The following SLC28A1 variants were observed in gnomAD, a reference collection of about 807,000 sequenced individuals.
The protein encoded by SLC28A1 is solute carrier family 28 member 1, also known as sodium/nucleoside cotransporter 1.
SLC28A1 carries 64 observed loss-of-function variants against 74.8 expected under a neutral mutation model. The ratio of observed to expected loss-of-function variants is 0.86; its 90% confidence interval spans 0.70 to 1.05. The LOEUF (loss-of-function observed/expected upper bound fraction) is 1.05, where lower values mean the gene tolerates loss of function less well. SLC28A1 is among the 50% of genes least tolerant of loss of function. The probability of loss-of-function intolerance (pLI) is 0.00; values close to 1 mark genes in which losing one functional copy is unlikely to be tolerated. For missense variants in SLC28A1, 828 were observed against 822.8 expected (o/e 1.01, Z -0.08); for synonymous variants, 359 against 335.0 (o/e 1.07, Z -0.78).
the SLC28A1 span, among the ~76,000 whole-genome samples, chr15:84,960,311 A>G: frequency 7.5e-6 from 1 of 132,456 alleles, no homozygotes; most frequent in Non-Finnish European, 1.5e-5. Flanking sequence ...GCTGGAGTAC[A>G]GTGGCGCAAT....
chr15:84,900,020 G>T (rs1966483338), intron 6 of SLC28A1, among the ~76,000 whole-genome samples: 1 of 150,204 alleles, frequency 6.7e-6, no homozygotes, highest in African/African-American at 2.4e-5. Context: ...AGGCAGGCAG[G>T]CAAGCAAGCC....
intron 12 of SLC28A1, among the ~76,000 whole-genome samples, chr15:84,932,315 G>C (rs190175153): frequency 1.3e-5 from 2 of 152,280 alleles, no homozygotes; most frequent in East Asian, 3.9e-4. Context: ...GGGGAAACGT[G>C]TCATATTTCT....
chr15:84,937,053 TA>T lies in SLC28A1; in HGVS notation c.1581+1548del, dbSNP rs33988815. 9.9e-4 allele frequency among the ~76,000 whole-genome samples: 146 copies of T among 147,528 alleles called. 1 individual carries two copies. The highest frequency in any genetic ancestry group is 7.0e-3 in the South Asian group (33 of 4,716). On this transcript the variant is annotated intron_variant, in intron 15 of 18. Coordinates refer to ENST00000394573, the MANE Select transcript of SLC28A1 (RefSeq NM_004213.5). Reference sequence around the variant, plus strand: ...GGGCAACAGAGCAAGACCCTGTCTTTAAAAAAAAAAAAAGGGAAAGCAAGAG... The same window carrying T: ...GGGCAACAGAGCAAGACCCTGTCTTTAAAAAAAAAAAAGGGAAAGCAAGAG...
intron 11 of SLC28A1, among the ~76,000 whole-genome samples, chr15:84,921,454 T>G (rs1969824863): frequency 6.6e-6 from 1 of 151,656 alleles, no homozygotes; most frequent in Non-Finnish European, 1.5e-5. Context: ...TGGTCAGAGT[T>G]TTTTCCACTG....
chr15:84,925,482 C>T (rs1329859411), intron 12 of SLC28A1, among the ~76,000 whole-genome samples: 1 of 152,046 alleles, frequency 6.6e-6, no homozygotes, highest in Non-Finnish European at 1.5e-5. Context: ...TGCTTGTAAT[C>T]CTAGCTATTT....
At position 84,935,330 on chromosome 15, in the gene SLC28A1, T is replaced by C. The variant is rs759966468; in HGVS notation, c.1393T>C (p.Ser465Pro). 6.2e-7 allele frequency: 1 copy of C among 1,614,148 alleles called. No homozygotes were observed. Among genetic ancestry groups the C allele is most frequent in the East Asian group, 2.2e-5 (1 of 44,888 alleles). Residue 465 changes from serine (S) to proline (P), a missense_variant, in exon 15 of 19, where the codon TCC (serine) becomes CCC (proline). Physicochemically the swap from Ser to Pro is moderately conservative, Grantham distance 74. This residue lies in a region of SLC28A1 where 767 missense variants were observed against 753.5 expected (regional missense o/e 1.02). Transcript: ENST00000394573. ...ACCGTTGTGCCCTCAGCTCATCTGC[T>C]CCTACATCCTGCGGCCTGTAGCCTT... ...IQGLSFQLIC[S>P]YILRPVAFLM... is the part of the protein sequence containing the mutation.
At chr15:84,901,364 A>G (rs1013557916) in intron 6 of SLC28A1, among the ~76,000 whole-genome samples, 6 of 151,954 alleles carry the variant, frequency 3.9e-5, no homozygotes, top group African/African-American at 1.5e-4. Flanking sequence ...AAAATTAGCC[A>G]GATATGGTGA....
At chr15:84,899,824 C>T (rs1361124800) in intron 6 of SLC28A1, among the ~76,000 whole-genome samples, 1 of 151,824 alleles carries the variant, frequency 6.6e-6, no homozygotes, top group Non-Finnish European at 1.5e-5. Flanking sequence ...GCTTGGGAGA[C>T]ATAGGCTGCA....
In SLC28A1 at chr15:84,893,576, G is replaced by C. The variant is rs552446728; in HGVS notation, c.278-1364G>C. Among the ~76,000 whole-genome samples, 15 of 152,198 alleles carry C rather than the reference G, an allele frequency of 9.9e-5. No individual in the cohort carries two copies. In the East Asian group the frequency reaches 2.7e-3, roughly 27 times the overall value. ...CCCTTCCTCTGGGGGTCACCGGGGG[G>C]GCTTATCTATCATTACTCCTCAAGT... On this transcript the variant is annotated intron_variant, in intron 5 of 18. Transcript: ENST00000394573.
chr15:84,943,417 C>G, intron 15 of SLC28A1, 28 bp from the exon 16 acceptor site: 2 of 1,561,352 alleles, frequency 1.3e-6, no homozygotes, highest in Non-Finnish European at 1.8e-6. Flanking sequence ...GAGGGGAGCC[C>G]CTCCTCATGC....
intron 12 of SLC28A1, among the ~76,000 whole-genome samples, chr15:84,931,809 C>T (rs1429385262): frequency 6.6e-6 from 1 of 151,766 alleles, no homozygotes; most frequent in Non-Finnish European, 1.5e-5. Flanking sequence ...CGAGACTAGC[C>T]TGGCCAACAC....
intron 5 of SLC28A1, 54 bp from the exon 6 acceptor site, chr15:84,894,886 G>A (rs61602610): frequency 0.16 from 245,895 of 1,566,258 alleles, 20,541 homozygotes; most frequent in Non-Finnish European, 0.17. Context: ...GGGCTGCAGG[G>A]TTCTGAAGAG....
At chr15:84,947,762 A>G (rs974991073), downstream of SLC28A1, among the ~76,000 whole-genome samples, 2 of 151,962 alleles carry the variant, frequency 1.3e-5, no homozygotes, top group Non-Finnish European at 2.9e-5. Flanking sequence ...TACTCTCATG[A>G]CCTTATCACC....
At chr15:84,957,211 C>G in the SLC28A1 span, among the ~76,000 whole-genome samples, 2 of 152,062 alleles carry the variant, frequency 1.3e-5, no homozygotes, top group Non-Finnish European at 2.9e-5. Flanking sequence ...TGTCATCACC[C>G]GAGAAGTCAT....
chr15:84,936,238 C>T (rs184942898), intron 15 of SLC28A1, among the ~76,000 whole-genome samples: 43 of 132,778 alleles, frequency 3.2e-4, no homozygotes, highest in Admixed American at 1.1e-3. Flanking sequence ...CCACTGCGCC[C>T]GGCTGTTTTG....
At chr15:84,896,488 T>C (rs1039287999) in intron 6 of SLC28A1, among the ~76,000 whole-genome samples, 4 of 152,226 alleles carry the variant, frequency 2.6e-5, no homozygotes, top group African/African-American at 9.6e-5. Context: ...ACACTGCTGG[T>C]GGAAATGCGA....
At chr15:84,946,257 T>G (rs1384848451), downstream of SLC28A1, among the ~76,000 whole-genome samples, 1 of 150,224 alleles carries the variant, frequency 6.7e-6, no homozygotes, top group Non-Finnish European at 1.5e-5. Flanking sequence ...ATCTGGCCCA[T>G]AAGAACCTTT....
At chr15:84,961,460 C>T in the SLC28A1 span, 6 of 451,640 alleles carry the variant, frequency 1.3e-5, no homozygotes, top group East Asian at 4.2e-4. Context: ...GTCTCCCAAG[C>T]AGCTGGGACT....
chr15:84,949,390 T>C (rs1483604040), downstream of SLC28A1, among the ~76,000 whole-genome samples: 4 of 151,768 alleles, frequency 2.6e-5, no homozygotes, highest in African/African-American at 7.3e-5. Context: ...TTTTGCTTTG[T>C]TGTTTGTTTT....
Sources: gnomAD v4.1 joint callset for allele counts (sites outside exome capture counted in the v4.1 genomes callset) on GRCh38, gnomAD v4.1.1 for gene constraint, gnomAD v4.1.1 regional missense constraint, MANE v1.5 for transcripts, NCBI Gene and HGNC (gene_info 2026-07-23, HGNC 2026-07-21) for gene names.